NRXN1: variants seen among roughly 807,000 people sequenced by gnomAD.
The protein encoded by NRXN1 is neurexin 1, also known as neurexin-1.
NRXN1 carries 39 observed loss-of-function variants against 150.9 expected under a neutral mutation model. That is an observed-to-expected ratio of 0.26 (90% confidence interval 0.20 to 0.34). NRXN1 has a LOEUF of 0.34. NRXN1 is among the 10% of genes least tolerant of loss of function. The pLI is 1.00. For missense variants in NRXN1, 1,815 were observed against 1,949.9 expected, an observed-to-expected ratio of 0.93 and a Z score of 1.30; for synonymous variants, 924 against 757.0, an observed-to-expected ratio of 1.22 and a Z score of -3.62.
chr2:50,290,186 G>A (rs561849855), intron 17 of NRXN1, among the ~76,000 whole-genome samples: 13 of 152,166 alleles, frequency 8.5e-5, no homozygotes, highest in African/African-American at 2.6e-4. Context: ...GCTCATTTGC[G>A]CAAAATAATT....
intron 17 of NRXN1, among the ~76,000 whole-genome samples, chr2:50,366,977 A>C (rs2079625133): frequency 6.6e-6 from 1 of 151,960 alleles, no homozygotes; most frequent in African/African-American, 2.4e-5. Flanking sequence ...AATGGATATA[A>C]CTATTTTCTT....
At position 50,490,864 on chromosome 2, in the gene NRXN1, T is replaced by G. The variant is rs554695281; in HGVS notation, c.3070+5041A>C. On this transcript the variant is annotated intron_variant, in intron 15 of 22. Transcript: ENST00000401669. ...CCTCATTGCTCAACAGCTGAAAGGG[T>G]TTCTTGTCTGTCTTACTTCCTACTG... Among the ~76,000 whole-genome samples, 5 of 151,168 alleles carry G rather than the reference T, an allele frequency of 3.3e-5. No homozygotes were observed. In the South Asian group the frequency reaches 8.4e-4, roughly 25 times the overall value.
intron 19 of NRXN1, among the ~76,000 whole-genome samples, chr2:50,077,589 T>G (rs1697302377): frequency 6.6e-6 from 1 of 152,140 alleles, no homozygotes; most frequent in Admixed American, 6.5e-5. Flanking sequence ...AAGACTCTAC[T>G]TGGACCTTTA....
chr2:50,736,244 G>A (rs1698732152), intron 5 of NRXN1, among the ~76,000 whole-genome samples: 1 of 151,838 alleles, frequency 6.6e-6, no homozygotes, highest in African/African-American at 2.4e-5. Context: ...TAAACATCTT[G>A]TCATCTGGTT....
At chr2:50,246,061 A>G (rs935154552) in intron 17 of NRXN1, among the ~76,000 whole-genome samples, 24 of 151,952 alleles carry the variant, frequency 1.6e-4, no homozygotes, top group African/African-American at 5.6e-4. Flanking sequence ...GATTTGGGGA[A>G]AGTTTCTATA....
chr2:50,425,683 T>C (rs901118688), intron 17 of NRXN1, among the ~76,000 whole-genome samples: 1 of 152,222 alleles, frequency 6.6e-6, no homozygotes, highest in African/African-American at 2.4e-5. Context: ...TTAAATGCTC[T>C]GGTTGGCTCC....
intron 5 of NRXN1, among the ~76,000 whole-genome samples, chr2:50,728,354 A>G (rs1244060802): frequency 6.6e-6 from 1 of 152,140 alleles, no homozygotes; most frequent in Non-Finnish European, 1.5e-5. Context: ...AAGATAGTCT[A>G]CTTCTGAGGA....
At chr2:50,021,438 A>T (rs568609528) in intron 21 of NRXN1, among the ~76,000 whole-genome samples, 1 of 152,340 alleles carries the variant, frequency 6.6e-6, no homozygotes, top group African/African-American at 2.4e-5. Flanking sequence ...CAAAGACAGT[A>T]AGCATATTGG....
At chr2:50,761,924 A>G (rs187324704) in intron 5 of NRXN1, among the ~76,000 whole-genome samples, 233 of 151,880 alleles carry the variant, frequency 1.5e-3, no homozygotes, top group African/African-American at 5.4e-3. Context: ...TCTTGGACCT[A>G]CATCATTGGT....
At chr2:50,690,030 G>A (rs1691849230) in intron 5 of NRXN1, among the ~76,000 whole-genome samples, 1 of 151,896 alleles carries the variant, frequency 6.6e-6, no homozygotes, top group Non-Finnish European at 1.5e-5. Context: ...GGGATTACAG[G>A]TGCCCGCCAC....
intron 8 of NRXN1, among the ~76,000 whole-genome samples, chr2:50,572,892 A>C (rs921879361): frequency 6.6e-6 from 1 of 152,164 alleles, no homozygotes; most frequent in Admixed American, 6.5e-5. Context: ...CAGCTCTTTC[A>C]TTAATTGTGT....
At chr2:50,970,509 TAAAG>T (rs1185134581) in intron 2 of NRXN1, among the ~76,000 whole-genome samples, 1 of 152,044 alleles carries the variant, frequency 6.6e-6, no homozygotes, top group Non-Finnish European at 1.5e-5. Context: ...AACCAATTAA[TAAAG>T]AAGAATAAAT....
chr2:50,129,187 A>G (rs895132293), intron 18 of NRXN1, among the ~76,000 whole-genome samples: 8 of 140,310 alleles, frequency 5.7e-5, no homozygotes, highest in African/African-American at 1.8e-4. Flanking sequence ...TATGATATTT[A>G]TGTAACTACT....
At chr2:50,283,113 G>T (rs2071675391) in intron 17 of NRXN1, among the ~76,000 whole-genome samples, 1 of 152,124 alleles carries the variant, frequency 6.6e-6, no homozygotes, top group Non-Finnish European at 1.5e-5. Context: ...AAGCTCCCAT[G>T]CCTCCTGGCA....
chr2:50,659,997 A>G (rs1461267437), intron 5 of NRXN1, among the ~76,000 whole-genome samples: 1 of 151,890 alleles, frequency 6.6e-6, no homozygotes, highest in African/African-American at 2.4e-5. Flanking sequence ...GCCTTTTTCT[A>G]TTTTATTCAT....
At chr2:50,373,512 A>G (rs759498644) in intron 17 of NRXN1, among the ~76,000 whole-genome samples, 1 of 150,674 alleles carries the variant, frequency 6.6e-6, no homozygotes, top group Non-Finnish European at 1.5e-5. Flanking sequence ...AAATTTGCAA[A>G]GAAATCTCTC....
chr2:50,042,054 T>A (rs1691059423), intron 21 of NRXN1, among the ~76,000 whole-genome samples: 1 of 152,232 alleles, frequency 6.6e-6, no homozygotes, highest in Non-Finnish European at 1.5e-5. Flanking sequence ...CACCCCTTTT[T>A]CTTAAATAAA....
chr2:50,372,127 G>A (rs1430370717), intron 17 of NRXN1, among the ~76,000 whole-genome samples: 1 of 152,034 alleles, frequency 6.6e-6, no homozygotes, highest in Non-Finnish European at 1.5e-5. Flanking sequence ...TAAGAGCCAA[G>A]ATCCCTCAGT....
At chr2:50,961,376 A>G (rs1053035590) in intron 2 of NRXN1, among the ~76,000 whole-genome samples, 1 of 151,444 alleles carries the variant, frequency 6.6e-6, no homozygotes, top group Non-Finnish European at 1.5e-5. Context: ...AAATAAACAC[A>G]CTCTAACCAC....
Sources: gnomAD v4.1 joint callset for allele counts (sites outside exome capture counted in the v4.1 genomes callset) on GRCh38, gnomAD v4.1.1 for gene constraint, MANE v1.5 for transcripts, NCBI Gene and HGNC (gene_info 2026-07-23, HGNC 2026-07-21) for gene names.